The following ETNK1 variants were observed in gnomAD, a reference collection of about 807,000 sequenced individuals.
The protein encoded by ETNK1 is ethanolamine kinase 1.
A neutral mutation model predicts 45.1 loss-of-function variants in ETNK1; 8 were observed. That is an observed-to-expected ratio of 0.18 (90% CI 0.10 to 0.32). ETNK1 has a LOEUF of 0.32. Ranked by LOEUF, ETNK1 falls within the 10% of genes least tolerant of loss-of-function variation. The pLI is 1.00. For synonymous variants in ETNK1, 152 were observed against 151.9 expected (o/e 1.00, Z -0.01); for missense variants, 302 against 430.6 (o/e 0.70, Z 2.64).
intron 1 of ETNK1, among the ~76,000 whole-genome samples, chr12:22,634,316 C>G (rs1953625206): frequency 1.3e-5 from 2 of 151,984 alleles, no homozygotes; most frequent in African/African-American, 2.4e-5. Context: ...TATATAGTCT[C>G]TTTTTTATTA....
rs1954288515 is a variant in ETNK1 at position 22,689,777 on chromosome 12, T to A, written c.*4823T>A. The A allele has an allele frequency of 6.6e-6, 1 of 152,020 alleles. No individual in the cohort carries two copies. Among genetic ancestry groups the A allele is most frequent in the Non-Finnish European group, 1.5e-5 (1 of 67,880 alleles). The allele number at this position is 152,020 out of a possible 1,614,324, so 9.4% of individuals were successfully genotyped here. On this transcript the variant is annotated 3_prime_UTR_variant, in exon 8 of 8. Transcript: ENST00000266517. ...TTTACTTGCTGTGGTTGTGGTGTGC[T>A]GCTACTTAATTATAGGTAGTGACAC...
intron 6 of ETNK1, among the ~76,000 whole-genome samples, chr12:22,680,481 T>G (rs1024884350): frequency 6.6e-6 from 1 of 152,228 alleles, no homozygotes; most frequent in South Asian, 2.1e-4. Context: ...CACGTCCTAC[T>G]TCTGCTCTAG....
chr12:22,625,625 T>C, intron 1 of ETNK1, 39 bp downstream of exon 1: 1 of 1,528,602 alleles, frequency 6.5e-7, no homozygotes, highest in East Asian at 2.4e-5. Flanking sequence ...CTTATGCCCC[T>C]CACGCGGCTC....
At chr12:22,641,950 C>G (rs1332230801) in intron 1 of ETNK1, among the ~76,000 whole-genome samples, 1 of 152,038 alleles carries the variant, frequency 6.6e-6, no homozygotes, top group Non-Finnish European at 1.5e-5. Flanking sequence ...GTCTCTAGCC[C>G]TTAAATGCAC....
At chr12:22,674,294 A>G (rs1954139218) in intron 6 of ETNK1, among the ~76,000 whole-genome samples, 1 of 152,230 alleles carries the variant, frequency 6.6e-6, no homozygotes, top group Non-Finnish European at 1.5e-5. Context: ...AATTAAATGG[A>G]ATAATAAGCC....
In ETNK1 at chr12:22,686,202, G is replaced by A. The variant is rs1477332608; in HGVS notation, c.*1248G>A. On this transcript the variant is annotated 3_prime_UTR_variant, in exon 8 of 8. Transcript: ENST00000266517. ...TTTGTTTAACTGTATTTTTAATTTT[G>A]TCTGGTGGTAAGAGGGAGGTAATTA... is the stretch of plus-strand genomic sequence containing the variant. 6.6e-6 allele frequency: 1 copy of A among 152,212 alleles called. No homozygotes were observed. The highest frequency in any genetic ancestry group is 1.5e-5 in the Non-Finnish European group (1 of 67,778). 9.4% of individuals were successfully genotyped at this position (152,212 alleles called of 1,614,324 possible).
chr12:22,641,183 T>C (rs796543196), intron 1 of ETNK1, among the ~76,000 whole-genome samples: 11 of 152,168 alleles, frequency 7.2e-5, no homozygotes, highest in African/African-American at 2.6e-4. Flanking sequence ...GAGAACTACA[T>C]TGAGAATGGT....
chr12:22,649,025 G>A (rs1313238256), intron 2 of ETNK1, among the ~76,000 whole-genome samples: 2 of 152,062 alleles, frequency 1.3e-5, no homozygotes, highest in Non-Finnish European at 2.9e-5. Flanking sequence ...TTGATGAAAT[G>A]TCTGATAAGG....
chr12:22,677,794 G>A (rs1484231395), intron 6 of ETNK1, among the ~76,000 whole-genome samples: 6 of 152,146 alleles, frequency 3.9e-5, no homozygotes, highest in African/African-American at 1.4e-4. Flanking sequence ...GTTCACTCAT[G>A]ATTTGGCTCT....
Position 22,688,609 on chromosome 12 carries a change from T to G in ETNK1, c.*3655T>G, listed in dbSNP as rs1038504193. On this transcript the variant is annotated 3_prime_UTR_variant, in exon 8 of 8. Coordinates refer to ENST00000266517, the MANE Select transcript of ETNK1 (RefSeq NM_018638.5). ...TTCCAAAGTGATACAGACTTAAGCT[T>G]TTAATCAATCAGTCATTCAGTTGAT... 6.6e-6 allele frequency: 1 copy of G among 152,354 alleles called. No homozygotes were observed. The highest frequency in any genetic ancestry group is 2.4e-5 in the African/African-American group (1 of 41,422). 9.4% of individuals were successfully genotyped at this position (152,354 alleles called of 1,614,324 possible). A position where few individuals can be genotyped will look rare whatever the true frequency, so the allele number is the denominator to read the frequency against.
In ETNK1 at chr12:22,673,407, T is replaced by C. The variant is rs1954129533; in HGVS notation, c.785-93T>C. 8 of 969,376 alleles carry C rather than the reference T, an allele frequency of 8.3e-6. No homozygotes were observed. The East Asian group carries it at 2.1e-4, about 25-fold the overall frequency. 60.0% of individuals were successfully genotyped at this position (969,376 alleles called of 1,614,324 possible). A position where few individuals can be genotyped will look rare whatever the true frequency, so the allele number is the denominator to read the frequency against. ...TCCAGCCAAAATGGAACTTTTCATT[T>C]TTTATGAAAAAATGGTGGTTTTAGG... On this transcript the variant is annotated intron_variant, in intron 5 of 7. Transcript: ENST00000266517.
chr12:22,639,830 T>TC (rs1953712214), intron 1 of ETNK1, among the ~76,000 whole-genome samples: 1 of 152,318 alleles, frequency 6.6e-6, no homozygotes, highest in East Asian at 1.9e-4. Context: ...AAATTACCTA[T>TC]CAATCTTTCA....
intron 7 of ETNK1, 93 bp from the exon 8 acceptor site, chr12:22,684,789 A>G: frequency 9.6e-7 from 1 of 1,041,540 alleles, no homozygotes; most frequent in Non-Finnish European, 1.4e-6. Flanking sequence ...CTTAAACTTT[A>G]AGAAAACCAG....
At chr12:22,680,888 CTT>C (rs1445166544) in intron 6 of ETNK1, among the ~76,000 whole-genome samples, 5 of 46,092 alleles carry the variant, frequency 1.1e-4, no homozygotes, top group Admixed American at 5.4e-4. Flanking sequence ...TGGAGCTTTT[CTT>C]CCCCCGCCCC....
At chr12:22,643,377 T>C (rs1329428489) in intron 1 of ETNK1, among the ~76,000 whole-genome samples, 1 of 152,020 alleles carries the variant, frequency 6.6e-6, no homozygotes, top group Non-Finnish European at 1.5e-5. Context: ...AGAGATTCCC[T>C]GTATGTGTAC....
chr12:22,652,568 T>G (rs978420545), intron 2 of ETNK1, among the ~76,000 whole-genome samples: 4 of 152,224 alleles, frequency 2.6e-5, no homozygotes, highest in Non-Finnish European at 5.9e-5. Flanking sequence ...GGTATCACAT[T>G]GTGCTTTTGA....
intron 6 of ETNK1, among the ~76,000 whole-genome samples, chr12:22,681,032 C>A (rs1954210443): frequency 6.6e-6 from 1 of 151,912 alleles, no homozygotes; most frequent in South Asian, 2.1e-4. Context: ...ACTTACATAT[C>A]CATAACTTCC....
At chr12:22,680,456 T>G (rs1265569843) in intron 6 of ETNK1, among the ~76,000 whole-genome samples, 3 of 152,224 alleles carry the variant, frequency 2.0e-5, no homozygotes, top group African/African-American at 7.2e-5. Flanking sequence ...CAAACTCTTA[T>G]TTCCCACTAC....
At position 22,685,687 on chromosome 12, in the gene ETNK1, A is replaced by G. The variant is rs1217968955; in HGVS notation, c.*733A>G. On this transcript the variant is annotated 3_prime_UTR_variant, in exon 8 of 8. Coordinates refer to ENST00000266517, the MANE Select transcript of ETNK1 (RefSeq NM_018638.5). ...ATTAGTTAATGTTACCAAAATCTGTATTAAATAATGTTTTCAAATGCTAAA... is the reference window on the plus strand; with the variant it reads ...ATTAGTTAATGTTACCAAAATCTGTGTTAAATAATGTTTTCAAATGCTAAA... 4 of 151,866 alleles carry G rather than the reference A, an allele frequency of 2.6e-5. No individual in the cohort carries two copies. Among genetic ancestry groups the G allele is most frequent in the Non-Finnish European group, 5.9e-5 (4 of 67,792 alleles). 9.4% of individuals were successfully genotyped at this position (151,866 alleles called of 1,614,324 possible).
Sources: gnomAD v4.1 joint callset for allele counts (sites outside exome capture counted in the v4.1 genomes callset) on GRCh38, gnomAD v4.1.1 for gene constraint, MANE v1.5 for transcripts, NCBI Gene and HGNC (gene_info 2026-07-23, HGNC 2026-07-21) for gene names.